Variants in LAMB2 observed in about 807,000 individuals in gnomAD.
LAMB2 encodes laminin subunit beta-2.
A neutral mutation model predicts 202.7 loss-of-function variants in LAMB2; 119 were observed. That is an observed-to-expected ratio of 0.59 (90% confidence interval 0.51 to 0.68). The LOEUF (loss-of-function observed/expected upper bound fraction) is 0.68, where lower values mean the gene tolerates loss of function less well. Among genes scored for constraint, LAMB2 ranks in the 30% least tolerant of loss-of-function variants. The probability of loss-of-function intolerance (pLI) is 0.00; values close to 1 mark genes in which losing one functional copy is unlikely to be tolerated. For missense variants in LAMB2, 2,124 were observed against 2,410.6 expected (o/e 0.88, Z 2.49); for synonymous variants, 818 against 902.2 (o/e 0.91, Z 1.67).
chr3:49,128,096 G>C (rs1215558826), intron 15 of LAMB2, among the ~76,000 whole-genome samples: 41 of 149,196 alleles, frequency 2.7e-4, no homozygotes, highest in Admixed American at 2.7e-3. Context: ...TACCCAAAAT[G>C]TAATAAAACA....
Position 49,133,014 on chromosome 3 carries a change from GGTCCCTCCGACAGCTTAGA to G in LAMB2, c.-166_-148del. ...CTGTCAGTTCCCAGGTCTGTCCAGC[GGTCCCTCCGACAGCTTAGA>G]GTCCAGCGACTTTGAGCAAAGTTGG... is the stretch of plus-strand genomic sequence containing the variant. On this transcript the variant is annotated 5_prime_UTR_variant, in exon 1 of 32. Transcript: ENST00000305544. The G allele has an allele frequency of 1.4e-6, 1 of 709,184 alleles. No homozygotes were observed. The highest frequency in any genetic ancestry group is 2.5e-6 in the Non-Finnish European group (1 of 401,540). The allele number at this position is 709,184 out of a possible 1,614,324, so 43.9% of individuals were successfully genotyped here.
intron 23 of LAMB2, 42 bp from the exon 24 acceptor site, chr3:49,124,142 G>A: frequency 6.2e-7 from 1 of 1,614,122 alleles, no homozygotes; most frequent in Non-Finnish European, 8.5e-7. Flanking sequence ...TCACTGTGGG[G>A]CATTCTGGGA....
In LAMB2 at chr3:49,132,819, C is replaced by G; in HGVS notation, c.49G>C (p.Glu17Gln). ...CTTAGCAGTAGGCCCAGTCGAAGTTCCCAGGGCAGAGGCTGTCCCCTCCCT... is the reference window on the plus strand; with the variant it reads ...CTTAGCAGTAGGCCCAGTCGAAGTTGCCAGGGCAGAGGCTGTCCCCTCCCT... ...ERGRGQPLPW[E>Q]LRLGLLLSVL... The change falls in exon 1 of 32, where the codon GAA becomes CAA. Residue 17 changes from glutamate to glutamine, a missense_variant. Coordinates refer to ENST00000305544, the MANE Select transcript of LAMB2 (RefSeq NM_002292.4). This position sits in a 1 kb window ranked among gnomAD's most constrained non-coding sequence, Gnocchi z 4.6. 6.2e-7 allele frequency: 1 copy of G among 1,614,228 alleles called. No homozygotes were observed. The highest frequency in any genetic ancestry group is 8.5e-7 in the Non-Finnish European group (1 of 1,180,038).
Position 49,129,181 on chromosome 3 carries a change from A to G in LAMB2, c.1599-29T>C, listed in dbSNP as rs755387837. 1 of 1,614,116 alleles carries G rather than the reference A, an allele frequency of 6.2e-7. No individual in the cohort carries two copies. Among genetic ancestry groups the G allele is most frequent in the Non-Finnish European group, 8.5e-7 (1 of 1,180,040 alleles). ...GAGGGAACTCTGTGGTTACTCAAGA[A>G]GAACCTTCTCTTCTGCTCAGGATCT... On this transcript the variant is annotated intron_variant, in intron 12 of 31. Coordinates refer to ENST00000305544, the MANE Select transcript of LAMB2 (RefSeq NM_002292.4). This position sits in a 1 kb window ranked among gnomAD's most constrained non-coding sequence, Gnocchi z 6.1.
rs1426355473 is a variant in LAMB2, at chr3:49,123,543, C to T, written c.3886G>A (p.Ala1296Thr). The T allele has an allele frequency of 6.2e-7, 1 of 1,614,210 alleles. No homozygotes were observed. Among genetic ancestry groups the T allele is most frequent in the Non-Finnish European group, 8.5e-7 (1 of 1,180,044 alleles). Reference sequence around the variant, plus strand: ...CTATCTCGCTCCAGACCACTTAGTGCATGGTTGGCATTGAAGTTCTCATCT... The same window carrying T: ...CTATCTCGCTCCAGACCACTTAGTGTATGGTTGGCATTGAAGTTCTCATCT... ...VQDENFNANH[A>T]LSGLERDRLA... Residue 1296 changes from alanine to threonine, a missense_variant, in exon 25 of 32, where the codon GCA (alanine) becomes ACA (threonine). Physicochemically the swap from Ala to Thr is moderately conservative, Grantham distance 58. Coordinates refer to ENST00000305544, the MANE Select transcript of LAMB2 (RefSeq NM_002292.4).
At position 49,132,037 on chromosome 3, in the gene LAMB2, T is replaced by G; in HGVS notation, c.459+79A>C. The stretch of plus-strand genomic sequence containing the variant: ...TGCATCCATGCTCAAGGAGGCTGTG[T>G]TAAGGAGCTGAGGCTCTGTCCAGGG... On this transcript the variant is annotated intron_variant, in intron 4 of 31. Coordinates refer to ENST00000305544, the MANE Select transcript of LAMB2 (RefSeq NM_002292.4). This position sits in a 1 kb window ranked among gnomAD's most constrained non-coding sequence, Gnocchi z 4.6. The G allele has an allele frequency of 7.3e-7, 1 of 1,365,730 alleles. No homozygotes were observed. The highest frequency in any genetic ancestry group is 1.0e-6 in the Non-Finnish European group (1 of 954,908). The allele number at this position is 1,365,730 out of a possible 1,614,324, so 84.6% of individuals were successfully genotyped here.
rs748859487 is a variant in LAMB2, at chr3:49,122,355, G to C, written c.4589C>G (p.Pro1530Arg). Reference sequence around the variant, plus strand: ...TGTGGCCACCATTTCAATGCTATCAGGATCAGCCCCCTCCTCTATAGGGAC... The same window carrying C: ...TGTGGCCACCATTTCAATGCTATCACGATCAGCCCCCTCCTCTATAGGGAC... ...KDFLNQEGAD[P>R]DSIEMVATRV... Residue 1530 changes from proline (P) to arginine (R), a missense_variant, in exon 28 of 32, where the codon CCT (proline) becomes CGT (arginine). By Grantham distance (103) the Pro-to-Arg change is moderately radical. Transcript: ENST00000305544. The C allele has an allele frequency of 6.2e-7, 1 of 1,613,216 alleles. No individual in the cohort carries two copies. The highest frequency in any genetic ancestry group is 1.3e-5 in the African/African-American group (1 of 74,940).
rs146110649 is a variant in LAMB2 at position 49,122,839 on chromosome 3, T to C, written c.4438A>G (p.Thr1480Ala). ...GGSILSRVAE[T>A]RRQASEAQQR... ...TGTGCCTCGCTTGCCTGCCGACGAG[T>C]CTCAGCCACTCTGCTGAGGATGCTA... Residue 1480 changes from threonine to alanine, a missense_variant, in exon 27 of 32, where the codon ACT becomes GCT. By Grantham distance (58) the Thr-to-Ala change is moderately conservative (BLOSUM62 0). Coordinates refer to ENST00000305544, the MANE Select transcript of LAMB2 (RefSeq NM_002292.4). 3.3e-5 allele frequency: 53 copies of C among 1,609,786 alleles called. No individual in the cohort carries two copies. In the African/African-American group the frequency reaches 4.1e-4, roughly 13 times the overall value.
intron 21 of LAMB2, 34 bp downstream of exon 21, chr3:49,124,667 C>T (rs2045391021): frequency 6.2e-7 from 1 of 1,613,634 alleles, no homozygotes; most frequent in South Asian, 1.1e-5. Flanking sequence ...AGCAGAACCC[C>T]AATTCAGCCA....
chr3:49,131,353 C>T lies in LAMB2; in HGVS notation c.712+26G>A, dbSNP rs531972073. 1.1e-5 allele frequency: 17 copies of T among 1,611,686 alleles called. No homozygotes were observed. In the African/African-American group the frequency reaches 1.9e-4, roughly 18 times the overall value. On this transcript the variant is annotated intron_variant, in intron 6 of 31. Transcript: ENST00000305544. The surrounding 1 kb of genome is among the most constrained non-coding windows in gnomAD (Gnocchi z 5.0). ...AGTCCCTAGCCGGACACGGACTGTGCCAGACTCAAAGGGTGGAGCACTCAC... is the reference window on the plus strand; with the variant it reads ...AGTCCCTAGCCGGACACGGACTGTGTCAGACTCAAAGGGTGGAGCACTCAC...
rs754822355 is a variant in LAMB2, at chr3:49,123,717, C to T, written c.3797+11G>A. 3 of 1,613,416 alleles carry T rather than the reference C, an allele frequency of 1.9e-6. No individual in the cohort carries two copies. In the African/African-American group the frequency reaches 4.0e-5, roughly 22 times the overall value. On this transcript the variant is annotated intron_variant, in intron 24 of 31. Transcript: ENST00000305544. ...CCCCATCCCACCATGTATTCTTAGG[C>T]CCTTCCGCACCGCAGCTCCTCTGTG...
chr3:49,131,861 A>G lies in LAMB2; in HGVS notation c.460-138T>C. 9.9e-7 allele frequency: 1 copy of G among 1,011,260 alleles called. No homozygotes were observed. Among genetic ancestry groups the G allele is most frequent in the Non-Finnish European group, 1.5e-6 (1 of 671,390 alleles). The allele number at this position is 1,011,260 out of a possible 1,614,324, so 62.6% of individuals were successfully genotyped here. A position where few individuals can be genotyped will look rare whatever the true frequency, so the allele number is the denominator to read the frequency against. On this transcript the variant is annotated intron_variant, in intron 4 of 31. Transcript: ENST00000305544. This position sits in a 1 kb window ranked among gnomAD's most constrained non-coding sequence, Gnocchi z 5.0. Reference sequence around the variant, plus strand: ...GGTGACTGGTGGAAGCCAGATAATGACCAGCAAAGGTAGCCACCTCTAATG... The same window carrying G: ...GGTGACTGGTGGAAGCCAGATAATGGCCAGCAAAGGTAGCCACCTCTAATG...
chr3:49,130,826 C>A lies in LAMB2; in HGVS notation c.950G>T (p.Arg317Leu). The change falls in exon 8 of 32, where the codon CGT becomes CTT. Residue 317 changes from arginine (R) to leucine (L), a missense_variant. By Grantham distance (102) the Arg-to-Leu change is moderately radical. Transcript: ENST00000305544. The surrounding 1 kb of genome is among the most constrained non-coding windows in gnomAD (Gnocchi z 5.0). ...CTGACACTGCTCGCAGTTGAGGCCA[C>A]GTGTGTTGTGTTTGCAGATGCAAGC... ...HGACICKHNT[R>L]GLNCEQCQDF... 1.2e-6 allele frequency: 2 copies of A among 1,614,170 alleles called. No homozygotes were observed. The highest frequency in any genetic ancestry group is 1.7e-6 in the Non-Finnish European group (2 of 1,180,012).
rs757692445 is a variant in LAMB2, at chr3:49,125,073, A to G, written c.2817T>C (p.Phe939=). The G allele has an allele frequency of 6.2e-7, 1 of 1,613,828 alleles. No homozygotes were observed. The highest frequency in any genetic ancestry group is 8.5e-7 in the Non-Finnish European group (1 of 1,180,042). The change falls in exon 20 of 32, where the codon TTT becomes TTC. Residue 939 remains phenylalanine (F), a synonymous_variant. Coordinates refer to ENST00000305544, the MANE Select transcript of LAMB2 (RefSeq NM_002292.4). ...CPEGPGSQRH[F]ATSCHQDEYS... ...ATTCATCCTGGTGGCAAGAAGTAGC[A>G]AAGTGCCGTTGGCTCCCAGGGCCTT...
At chr3:49,126,917 G>C (rs1245593188) in intron 15 of LAMB2, among the ~76,000 whole-genome samples, 1 of 151,914 alleles carries the variant, frequency 6.6e-6, no homozygotes, top group Admixed American at 6.6e-5. Flanking sequence ...CTCATACTTG[G>C]GTTCTTTTAT....
chr3:49,125,622 C>G, intron 18 of LAMB2, 125 bp downstream of exon 18: 1 of 1,437,944 alleles, frequency 7.0e-7, no homozygotes, highest in Non-Finnish European at 9.5e-7. Flanking sequence ...TACAACTGAC[C>G]CAGGTTGAGA....
In LAMB2 at chr3:49,131,735, G is replaced by T; in HGVS notation, c.460-12C>A. The T allele has an allele frequency of 2.5e-6, 4 of 1,612,560 alleles. No homozygotes were observed. The highest frequency in any genetic ancestry group is 3.4e-6 in the Non-Finnish European group (4 of 1,179,982). On this transcript the variant is annotated splice_polypyrimidine_tract_variant and intron_variant, in intron 4 of 31. Coordinates refer to ENST00000305544, the MANE Select transcript of LAMB2 (RefSeq NM_002292.4). This position sits in a 1 kb window ranked among gnomAD's most constrained non-coding sequence, Gnocchi z 5.0. ...GCAGGGCGAAATGTCTGGGTAGGGG[G>T]GCATAGCTGATCAGCAGGCACCAGG...
Position 49,124,189 on chromosome 3 carries a change from C to T in LAMB2, c.3424+1G>A, listed in dbSNP as rs750747226. On this transcript the variant is annotated splice_donor_variant, in intron 23 of 31. Transcript: ENST00000305544. LOFTEE classifies it high-confidence loss of function. The stretch of plus-strand genomic sequence containing the variant: ...TACCCTGGCCCCGCTGGCTCCCTCA[C>T]CATGGCACTGCAACCCAGGGTCTCC... The T allele has an allele frequency of 1.2e-6, 2 of 1,614,178 alleles. No homozygotes were observed. Among genetic ancestry groups the T allele is most frequent in the East Asian group, 2.2e-5 (1 of 44,888 alleles).
At position 49,123,323 on chromosome 3, in the gene LAMB2, G is replaced by GT; in HGVS notation, c.4032dup (p.Arg1345ThrfsTer12). 1 of 1,614,062 alleles carries GT rather than the reference G, an allele frequency of 6.2e-7. No homozygotes were observed. Among genetic ancestry groups the GT allele is most frequent in the Non-Finnish European group, 8.5e-7 (1 of 1,180,020 alleles). On this transcript the variant is annotated frameshift_variant, in exon 26 of 32. Coordinates refer to ENST00000305544, the MANE Select transcript of LAMB2 (RefSeq NM_002292.4). LOFTEE classifies it high-confidence loss of function. ...GCCAGGGCTGAGGTATTGGCACGAC[G>GT]TTCTGCCTCTGCAGACTGGCTATGG...
Sources: gnomAD v4.1 joint callset for allele counts (sites outside exome capture counted in the v4.1 genomes callset) on GRCh38, gnomAD v4.1.1 for gene constraint, Gnocchi (gnomAD v3.1) non-coding constraint, MANE v1.5 for transcripts, NCBI Gene and HGNC (gene_info 2026-07-23, HGNC 2026-07-21) for gene names.